Variants in GYS2 observed in about 807,000 individuals in gnomAD.
GYS2 encodes glycogen synthase 2, also known as glycogen [starch] synthase, liver.
Under a neutral mutation model 85.6 loss-of-function variants are expected in GYS2, and 80 were observed. The observed-to-expected ratio is 0.93, with a 90% CI of 0.78 to 1.13. The LOEUF (loss-of-function observed/expected upper bound fraction) is 1.13. GYS2 is among the 50% of genes most tolerant of loss of function. GYS2 has a pLI of 0.00. For synonymous variants in GYS2, 328 were observed against 300.7 expected (o/e 1.09, Z -0.94); for missense variants, 881 against 854.9 (o/e 1.03, Z -0.38).
intron 1 of GYS2, among the ~76,000 whole-genome samples, chr12:21,595,942 G>A (rs1944690802): frequency 1.3e-5 from 2 of 151,988 alleles, no homozygotes; most frequent in South Asian, 4.2e-4. Context: ...TAGAACAAAT[G>A]GACTTAACAG....
chr12:21,598,185 T>C (rs1035346600), intron 1 of GYS2, among the ~76,000 whole-genome samples: 11 of 152,066 alleles, frequency 7.2e-5, no homozygotes, highest in African/African-American at 1.4e-4. Context: ...TATTTCAAAA[T>C]AGTAGAAGAA....
intron 11 of GYS2, among the ~76,000 whole-genome samples, chr12:21,553,422 A>C (rs533631333): frequency 1.4e-4 from 21 of 152,344 alleles, no homozygotes; most frequent in African/African-American, 5.0e-4. Flanking sequence ...ACTTCTAGAG[A>C]TCTTAGCCCC....
intron 1 of GYS2, among the ~76,000 whole-genome samples, chr12:21,592,620 A>G (rs1186626933): frequency 6.6e-6 from 1 of 152,118 alleles, no homozygotes; most frequent in Non-Finnish European, 1.5e-5. Flanking sequence ...TCAACACCAG[A>G]GCATCCAGAT....
chr12:21,580,832 T>G (rs552596582), intron 1 of GYS2, among the ~76,000 whole-genome samples: 3 of 152,192 alleles, frequency 2.0e-5, no homozygotes, highest in African/African-American at 7.2e-5. Context: ...TTGGAGTAAC[T>G]ACTTGCCTAA....
chr12:21,540,819 G>A (rs935669619), intron 13 of GYS2, among the ~76,000 whole-genome samples: 3 of 152,064 alleles, frequency 2.0e-5, no homozygotes, highest in African/African-American at 4.8e-5. Flanking sequence ...CTAGGGATAC[G>A]CTGGATCAGT....
At chr12:21,561,406 A>T (rs1274289035) in intron 7 of GYS2, among the ~76,000 whole-genome samples, 1 of 152,194 alleles carries the variant, frequency 6.6e-6, no homozygotes, top group Non-Finnish European at 1.5e-5. Flanking sequence ...ACCGTCTAGT[A>T]TGCAGCCTCG....
intron 15 of GYS2, chr12:21,537,435 T>C: frequency 4.1e-6 from 2 of 488,162 alleles, no homozygotes; most frequent in Non-Finnish European, 7.3e-6. Context: ...TTAACAACAC[T>C]CTGATAAATA....
At position 21,546,013 on chromosome 12, in the gene GYS2, A is replaced by G. The variant is rs182376072; in HGVS notation, c.1549+331T>C. The stretch of plus-strand genomic sequence containing the variant: ...TACTTACAGTCAATTTCTCCTTCAC[A>G]CTAATAAATGGGGCAGATAGAGATA... On this transcript the variant is annotated intron_variant, in intron 12 of 15. Coordinates refer to ENST00000261195, the MANE Select transcript of GYS2 (RefSeq NM_021957.4). 3.8e-3 allele frequency among the ~76,000 whole-genome samples: 586 copies of G among 152,260 alleles called. 4 individuals carry two copies. Among genetic ancestry groups the G allele is most frequent in the African/African-American group, 0.014 (570 of 41,566 alleles).
chr12:21,556,196 T>C (rs1944177093), intron 11 of GYS2, among the ~76,000 whole-genome samples: 1 of 152,202 alleles, frequency 6.6e-6, no homozygotes, highest in East Asian at 1.9e-4. Context: ...GTGTTTTTTG[T>C]GAGGCGGAGT....
chr12:21,560,882 A>T lies in GYS2; in HGVS notation c.1063-390T>A, dbSNP rs116806400. ...ATGAGAGCTAATATTACAAGACCAA[A>T]ATTAGTTCTTTAAAATTTCAGATTG... On this transcript the variant is annotated intron_variant, in intron 7 of 15. Transcript: ENST00000261195. 8.6e-3 allele frequency among the ~76,000 whole-genome samples: 1,309 copies of T among 152,264 alleles called. 17 individuals are homozygous for T. Among genetic ancestry groups the T allele is most frequent in the African/African-American group, 0.03 (1,239 of 41,546 alleles).
At chr12:21,593,336 T>C (rs117623591) in intron 1 of GYS2, among the ~76,000 whole-genome samples, 2,415 of 151,640 alleles carry the variant, frequency 0.016, 27 homozygotes, top group Non-Finnish European at 0.024. Flanking sequence ...TGAAAAGTTG[T>C]TATTTAAAAA....
intron 2 of GYS2, among the ~76,000 whole-genome samples, chr12:21,577,753 C>A (rs143488940): frequency 2.0e-5 from 3 of 152,250 alleles, no homozygotes; most frequent in South Asian, 2.1e-4. Flanking sequence ...TTTTTCACCC[C>A]CAGAAACTAT....
At chr12:21,555,873 G>T (rs1384455419) in intron 11 of GYS2, among the ~76,000 whole-genome samples, 1 of 152,166 alleles carries the variant, frequency 6.6e-6, no homozygotes, top group Non-Finnish European at 1.5e-5. Context: ...AGGGGACCCA[G>T]ATCAAAAACA....
chr12:21,600,534 T>A (rs1944744358), intron 1 of GYS2, among the ~76,000 whole-genome samples: 1 of 152,084 alleles, frequency 6.6e-6, no homozygotes, highest in Non-Finnish European at 1.5e-5. Flanking sequence ...GGGATCCTTT[T>A]CATTTTGCTC....
In GYS2 at chr12:21,537,486, TC is replaced by T. The variant is rs1479062750; in HGVS notation, c.1891-312del. The stretch of plus-strand genomic sequence containing the variant: ...AGAAGAAAATGGAGGGTTAGAGGGG[TC>T]AAGTAACTTGCCCAACATCACTCAG... On this transcript the variant is annotated intron_variant, in intron 15 of 15. Coordinates refer to ENST00000261195, the MANE Select transcript of GYS2 (RefSeq NM_021957.4). 1.7e-5 allele frequency: 6 copies of T among 350,942 alleles called. No homozygotes were observed. The Admixed American group carries it at 1.7e-4, about 10-fold the overall frequency. 21.7% of individuals were successfully genotyped at this position (350,942 alleles called of 1,614,324 possible). A position where few individuals can be genotyped will look rare whatever the true frequency, so the allele number is the denominator to read the frequency against.
chr12:21,581,904 C>A (rs1348441418), intron 1 of GYS2, among the ~76,000 whole-genome samples: 1 of 152,008 alleles, frequency 6.6e-6, no homozygotes, highest in Non-Finnish European at 1.5e-5. Context: ...GAAAGACAGG[C>A]TCTAAAAGAG....
intron 11 of GYS2, among the ~76,000 whole-genome samples, chr12:21,548,455 G>T (rs765668646): frequency 6.6e-6 from 1 of 152,084 alleles, no homozygotes; most frequent in African/African-American, 2.4e-5. Context: ...AACTGCATAG[G>T]TCATAGTAAT....
At chr12:21,562,698 C>CAAAAAAAAAAAAAAAAAAAAAGAAAATA (rs1944269269) in intron 7 of GYS2, among the ~76,000 whole-genome samples, 1 of 98,290 alleles carries the variant, frequency 1.0e-5, no homozygotes. Context: ...TAAGATTCTC[C>CAAAAAAAAAAAAAAAAAAAAAGAAAATA]AAAAAAAAAA....
chr12:21,562,921 C>T lies in GYS2; in HGVS notation c.1059G>A (p.Leu353=), dbSNP rs775982342. Residue 353 remains leucine, a synonymous_variant, in exon 7 of 16, where the codon CTG becomes CTA. Coordinates refer to ENST00000261195, the MANE Select transcript of GYS2 (RefSeq NM_021957.4). ...CCATGTCCTAGAGCTTTCTTACCCT[C>T]AGCAGGAAATTTAGCCTGGATAAGG... ...LESLSRLNFL[L]RMHKSDITVM... is the part of the protein sequence containing the mutation. 6.2e-7 allele frequency: 1 copy of T among 1,612,014 alleles called. No homozygotes were observed.
Sources: gnomAD v4.1 joint callset for allele counts (sites outside exome capture counted in the v4.1 genomes callset) on GRCh38, gnomAD v4.1.1 for gene constraint, MANE v1.5 for transcripts, NCBI Gene and HGNC (gene_info 2026-07-23, HGNC 2026-07-21) for gene names.